The following DIP2B variants were observed in gnomAD, a reference collection of about 807,000 sequenced individuals.
DIP2B encodes the protein disco-interacting protein 2 homolog B.
Under a neutral mutation model 198.0 loss-of-function variants are expected in DIP2B, and 76 were observed. The ratio of observed to expected loss-of-function variants is 0.38; its 90% CI spans 0.32 to 0.46. The LOEUF (loss-of-function observed/expected upper bound fraction) is 0.46. DIP2B is among the 20% of genes least tolerant of loss of function. The pLI is 0.99. For synonymous variants in DIP2B, 701 were observed against 739.1 expected (o/e 0.95, Z 0.84); for missense variants, 1,559 against 1,978.4 (o/e 0.79, Z 4.02).
At chr12:50,635,332 G>T (rs1170302558) in intron 2 of DIP2B, among the ~76,000 whole-genome samples, 2 of 152,058 alleles carry the variant, frequency 1.3e-5, no homozygotes, top group East Asian at 3.8e-4. Flanking sequence ...TGACCTATAT[G>T]TTTCTGCATT....
At chr12:50,585,350 G>A (rs1349961465) in intron 1 of DIP2B, among the ~76,000 whole-genome samples, 2 of 152,216 alleles carry the variant, frequency 1.3e-5, no homozygotes, top group Non-Finnish European at 2.9e-5. Flanking sequence ...CAGATAAATC[G>A]TGTGCTGACT....
At chr12:50,648,038 G>A (rs1309692388) in intron 3 of DIP2B, among the ~76,000 whole-genome samples, 3 of 152,044 alleles carry the variant, frequency 2.0e-5, no homozygotes, top group South Asian at 2.1e-4. Context: ...CCCAGGAGGC[G>A]GAGGTTGCAG....
intron 1 of DIP2B, among the ~76,000 whole-genome samples, chr12:50,533,312 T>C (rs1435702176): frequency 1.3e-5 from 2 of 152,230 alleles, no homozygotes; most frequent in African/African-American, 4.8e-5. Flanking sequence ...TGTAGTCTTC[T>C]AGTCTTCAGT....
intron 19 of DIP2B, among the ~76,000 whole-genome samples, chr12:50,701,639 G>A (rs569159745): frequency 7.9e-5 from 12 of 151,340 alleles, no homozygotes; most frequent in Non-Finnish European, 1.3e-4. Flanking sequence ...CCTCCTCGGC[G>A]TCCCAAAGTG....
intron 3 of DIP2B, among the ~76,000 whole-genome samples, chr12:50,651,918 G>A (rs931462015): frequency 3.3e-5 from 5 of 152,042 alleles, no homozygotes; most frequent in Admixed American, 2.6e-4. Context: ...GGTGGCTCAC[G>A]CCTGTAATCC....
At chr12:50,594,801 G>A (rs12322925) in intron 1 of DIP2B, among the ~76,000 whole-genome samples, 8,754 of 152,102 alleles carry the variant, frequency 0.058, 822 homozygotes, top group African/African-American at 0.2. Flanking sequence ...TAAAATGTGC[G>A]TTGCTAGTCT....
chr12:50,533,182 A>G (rs891909758), intron 1 of DIP2B, among the ~76,000 whole-genome samples: 2 of 152,232 alleles, frequency 1.3e-5, no homozygotes, highest in Non-Finnish European at 2.9e-5. Context: ...TTTAATTAGC[A>G]GTTGTTTAGT....
chr12:50,561,249 G>A (rs906410080), intron 1 of DIP2B, among the ~76,000 whole-genome samples: 1 of 152,152 alleles, frequency 6.6e-6, no homozygotes, highest in Non-Finnish European at 1.5e-5. Context: ...TCATTTAGAA[G>A]GGGAGACATT....
chr12:50,567,672 C>T (rs536079802), intron 1 of DIP2B, among the ~76,000 whole-genome samples: 9 of 152,156 alleles, frequency 5.9e-5, no homozygotes, highest in East Asian at 3.9e-4. Context: ...GGATTACAGG[C>T]GCCCGCCACC....
At chr12:50,731,335 T>C (rs776239507) in intron 30 of DIP2B, 34 bp from the exon 31 acceptor site, 60 of 1,602,146 alleles carry the variant, frequency 3.7e-5, no homozygotes, top group South Asian at 2.9e-4. Context: ...CCAGGATGAA[T>C]TGATGATTCC....
At chr12:50,671,596 A>G (rs1185458434) in intron 5 of DIP2B, among the ~76,000 whole-genome samples, 198 bp downstream of exon 5, 1 of 152,254 alleles carries the variant, frequency 6.6e-6, no homozygotes, top group East Asian at 1.9e-4. Context: ...CACCTGCATT[A>G]TTGGTGCGTA....
At chr12:50,517,657 C>T (rs1466839318) in intron 1 of DIP2B, among the ~76,000 whole-genome samples, 4 of 152,106 alleles carry the variant, frequency 2.6e-5, no homozygotes, top group Admixed American at 1.3e-4. Context: ...CTTTGTATAC[C>T]AAGACCTGCC....
At chr12:50,511,638 T>G (rs1462580645) in intron 1 of DIP2B, among the ~76,000 whole-genome samples, 1 of 151,606 alleles carries the variant, frequency 6.6e-6, no homozygotes, top group African/African-American at 2.4e-5. Context: ...ATTTTATCTC[T>G]TAAAAAAATT....
chr12:50,610,805 CT>C (rs58612726), intron 1 of DIP2B, among the ~76,000 whole-genome samples: 197 of 138,366 alleles, frequency 1.4e-3, no homozygotes, highest in Middle Eastern at 7.7e-3. Context: ...TGTGCCCAAC[CT>C]TTTTTTTTTT....
At chr12:50,653,707 T>A (rs185376335) in intron 3 of DIP2B, among the ~76,000 whole-genome samples, 108 of 152,242 alleles carry the variant, frequency 7.1e-4, no homozygotes, top group Non-Finnish European at 1.4e-3. Context: ...TTTTATTTCT[T>A]ATTTTAGTTA....
chr12:50,533,819 C>G (rs932294244), intron 1 of DIP2B, among the ~76,000 whole-genome samples: 1 of 152,036 alleles, frequency 6.6e-6, no homozygotes, highest in Non-Finnish European at 1.5e-5. Context: ...AACTCCTGGG[C>G]TCAAGTGATC....
chr12:50,719,093 ACT>A, intron 25 of DIP2B, 58 bp downstream of exon 25: 1 of 1,537,316 alleles, frequency 6.5e-7, no homozygotes, highest in Non-Finnish European at 8.8e-7. Context: ...CATCTTAGGC[ACT>A]CTTGATCTCT....
chr12:50,599,999 G>GA (rs951129519), intron 1 of DIP2B, among the ~76,000 whole-genome samples: 1 of 152,006 alleles, frequency 6.6e-6, no homozygotes, highest in South Asian at 2.1e-4. Context: ...ACTGAGCAGG[G>GA]AAAAAAAATT....
rs1414157707 is a variant in DIP2B, at chr12:50,680,722, C to T, written c.1165C>T (p.Leu389=). The T allele has an allele frequency of 6.2e-7, 1 of 1,607,760 alleles. No individual in the cohort carries two copies. The highest frequency in any genetic ancestry group is 1.3e-5 in the African/African-American group (1 of 74,312). ...LKLAYTLLNK[L]GTKNEPVLKP... is the part of the protein sequence containing the mutation. ...GTTGGCCTACACACTTCTTAATAAA[C>T]TGGGGACCAAAAATGAACCTGTGTT... is the stretch of plus-strand genomic sequence containing the variant. The change falls in exon 9 of 38, where the codon CTG becomes TTG. Residue 389 remains leucine (L), a synonymous_variant. Transcript: ENST00000301180.
Sources: gnomAD v4.1 joint callset for allele counts (sites outside exome capture counted in the v4.1 genomes callset) on GRCh38, gnomAD v4.1.1 for gene constraint, MANE v1.5 for transcripts, NCBI Gene and HGNC (gene_info 2026-07-23, HGNC 2026-07-21) for gene names.